FAM228B: variants seen among roughly 807,000 people sequenced by gnomAD.
FAM228B encodes protein FAM228B.
In FAM228B, 38 loss-of-function variants were observed where a neutral mutation model predicts 42.6. The observed-to-expected ratio is 0.89, with a 90% CI of 0.69 to 1.17. FAM228B has a LOEUF of 1.17. FAM228B is among the 50% of genes most tolerant of loss of function. The probability of loss-of-function intolerance (pLI) is 0.00; values close to 1 mark genes in which losing one functional copy is unlikely to be tolerated. For synonymous variants in FAM228B, 109 were observed against 122.3 expected, an observed-to-expected ratio of 0.89 and a Z score of 0.72; for missense variants, 344 against 367.3, an observed-to-expected ratio of 0.94 and a Z score of 0.52.
At chr2:24,166,041 T>TAAAAAA (rs1165834652) in intron 9 of FAM228B, 1 of 97,492 alleles carries the variant, frequency 1.0e-5, no homozygotes, top group African/African-American at 3.4e-5. Flanking sequence ...GAACTCTGTC[T>TAAAAAA]AAAAAAAAAA....
chr2:24,080,238 T>G lies in FAM228B; in HGVS notation c.-289-638T>G, dbSNP rs1488341468. ...TGGGCGTGGTGGTGCGCCTGTGATC[T>G]CAGCTACTCAGGAGGCTAAGGCTGG... is the stretch of plus-strand genomic sequence containing the variant. On this transcript the variant is annotated intron_variant, in intron 1 of 10. Coordinates refer to the FAM228B transcript ENST00000613899. The surrounding 1 kb of genome is among the most constrained non-coding windows in gnomAD (Gnocchi z 4.7). Among the ~76,000 whole-genome samples, 1 of 152,080 alleles carries G rather than the reference T, an allele frequency of 6.6e-6. No individual in the cohort carries two copies. The highest frequency in any genetic ancestry group is 1.9e-4 in the East Asian group (1 of 5,174).
At chr2:24,165,559 C>A in intron 9 of FAM228B, 1 of 443,760 alleles carries the variant, frequency 2.3e-6, no homozygotes, top group Non-Finnish European at 4.6e-6. Context: ...CTAGCAGCAG[C>A]TGTCAACCTC....
upstream of FAM228B, chr2:24,122,360 T>C: frequency 7.8e-7 from 1 of 1,288,652 alleles, no homozygotes; most frequent in South Asian, 1.3e-5. Context: ...GCTTCATTTT[T>C]TGGAAGAATA....
intron 2 of FAM228B, among the ~76,000 whole-genome samples, chr2:24,091,849 T>A (rs1488781334): frequency 6.6e-6 from 1 of 152,210 alleles, no homozygotes; most frequent in Non-Finnish European, 1.5e-5. Flanking sequence ...TTGGTTATAA[T>A]GCCAACAGTA....
rs561300011 is a variant in FAM228B at position 24,100,440 on chromosome 2, A to C, written c.-121+5211A>C. ...TTTACAAGAAAAAAAATCCCATCAA[A>C]AAGTGGGTGAAGGATATGAACAGAC... On this transcript the variant is annotated intron_variant, in intron 3 of 10. Coordinates refer to the FAM228B transcript ENST00000613899. Among the ~76,000 whole-genome samples the C allele has an allele frequency of 6.6e-5, 10 of 152,332 alleles. No homozygotes were observed. The South Asian group carries it at 1.7e-3, about 25-fold the overall frequency.
Position 24,077,836 on chromosome 2 carries a change from T to G in FAM228B, c.-290+867T>G. The G allele has an allele frequency of 6.6e-7, 1 of 1,511,728 alleles. No individual in the cohort carries two copies. The highest frequency in any genetic ancestry group is 2.0e-5 in the Admixed American group (1 of 49,364). 93.6% of individuals were successfully genotyped at this position (1,511,728 alleles called of 1,614,324 possible). On this transcript the variant is annotated intron_variant, in intron 1 of 10. Coordinates refer to the FAM228B transcript ENST00000613899. This position sits in a 1 kb window ranked among gnomAD's most constrained non-coding sequence, Gnocchi z 5.5. ...GCCCTCCTCATCCTCCTCAGCCTTC[T>G]TGCTCTCTCTGAAGCCACGTATCTG...
upstream of FAM228B, chr2:24,121,037 C>T (rs1488204513): frequency 2.3e-6 from 3 of 1,307,990 alleles, no homozygotes; most frequent in Non-Finnish European, 2.1e-6. Flanking sequence ...AGACTGCTAT[C>T]TCAAGACAAT....
intron 4 of FAM228B, among the ~76,000 whole-genome samples, chr2:24,139,065 A>T (rs1436731537): frequency 6.6e-6 from 1 of 152,310 alleles, no homozygotes; most frequent in Middle Eastern, 3.4e-3. Flanking sequence ...CTGTTCTTCT[A>T]GCATTTTTTT....
At chr2:24,101,816 G>A (rs1245245182) in intron 3 of FAM228B, among the ~76,000 whole-genome samples, 1 of 152,086 alleles carries the variant, frequency 6.6e-6, no homozygotes, top group Admixed American at 6.5e-5. Context: ...TTGAGTAGCT[G>A]GGACTACAAG....
rs534479059 is a variant in FAM228B, at chr2:24,077,985, T to C, written c.-290+1016T>C. On this transcript the variant is annotated intron_variant, in intron 1 of 10. Coordinates refer to the FAM228B transcript ENST00000613899. This position sits in a 1 kb window ranked among gnomAD's most constrained non-coding sequence, Gnocchi z 5.5. ...TATTGTTAATTTTGAGGTGAAAGCA[T>C]TGGAGAAATTGTAGTTTCAGAAAAG... 1.2e-4 allele frequency among the ~76,000 whole-genome samples: 19 copies of C among 152,262 alleles called. No individual in the cohort carries two copies. The highest frequency in any genetic ancestry group is 3.4e-4 in the African/African-American group (14 of 41,538).
chr2:24,087,704 A>G (rs930036074), intron 2 of FAM228B, among the ~76,000 whole-genome samples: 4 of 151,240 alleles, frequency 2.6e-5, no homozygotes. Flanking sequence ...TCCACCTCCT[A>G]GGTTCAAGCG....
intron 7 of FAM228B, among the ~76,000 whole-genome samples, chr2:24,151,900 G>A (rs561636938): frequency 1.1e-3 from 160 of 151,834 alleles, no homozygotes; most frequent in African/African-American, 3.7e-3. Flanking sequence ...ACAGAGTCTC[G>A]CTCTGTCAGC....
chr2:24,118,536 C>T (rs189965674), upstream of FAM228B, among the ~76,000 whole-genome samples: 1 of 152,204 alleles, frequency 6.6e-6, no homozygotes, highest in East Asian at 1.9e-4. Flanking sequence ...CAAATGCCTT[C>T]CAGGGATTCA....
At chr2:24,079,150 T>C (rs1043934981) in intron 1 of FAM228B, 2 of 323,014 alleles carry the variant, frequency 6.2e-6, no homozygotes, top group Admixed American at 8.6e-5. Context: ...GAAAACAAAG[T>C]CTTGGAACTA....
At chr2:24,086,607 C>A (rs1190697501) in intron 2 of FAM228B, among the ~76,000 whole-genome samples, 1 of 151,102 alleles carries the variant, frequency 6.6e-6, no homozygotes, top group Non-Finnish European at 1.5e-5. Flanking sequence ...CTCAAGCAAT[C>A]CTCCTGCCTC....
At chr2:24,145,686 G>T (rs1350516547) in intron 5 of FAM228B, among the ~76,000 whole-genome samples, 1 of 148,944 alleles carries the variant, frequency 6.7e-6, no homozygotes, top group African/African-American at 2.5e-5. Flanking sequence ...ACCTGAAAAT[G>T]ATAGTACCTT....
At chr2:24,116,462 G>A (rs1176439869) in intron 3 of FAM228B, among the ~76,000 whole-genome samples, 4 of 152,124 alleles carry the variant, frequency 2.6e-5, no homozygotes, top group African/African-American at 9.7e-5. Context: ...GAGTAGCTAG[G>A]GCTACAGGTG....
At chr2:24,120,625 G>A (rs1357151820), upstream of FAM228B, among the ~76,000 whole-genome samples, 2 of 151,772 alleles carry the variant, frequency 1.3e-5, no homozygotes, top group African/African-American at 4.8e-5. Flanking sequence ...GCACGATCTC[G>A]GCTCACTGCA....
Position 24,080,120 on chromosome 2 carries a change from G to A in FAM228B, c.-289-756G>A, listed in dbSNP as rs1664934308. ...GCCTGTAATCCCAGTACTTTGGGAG[G>A]CTGAGGCAGGTGGATCACCTGAGGT... On this transcript the variant is annotated intron_variant, in intron 1 of 10. Transcript: ENST00000613899. The surrounding 1 kb of genome is among the most constrained non-coding windows in gnomAD (Gnocchi z 4.7). Among the ~76,000 whole-genome samples, 1 of 152,164 alleles carries A rather than the reference G, an allele frequency of 6.6e-6. No homozygotes were observed. The highest frequency in any genetic ancestry group is 2.1e-4 in the South Asian group (1 of 4,826).
Sources: allele counts gnomAD v4.1 joint callset (sites outside exome capture counted in the v4.1 genomes callset), GRCh38; gene constraint gnomAD v4.1.1; non-coding constraint Gnocchi (gnomAD v3.1); transcripts MANE v1.5; gene names NCBI Gene and HGNC (gene_info 2026-07-23, HGNC 2026-07-21).